The following RIMS4 variants were observed in gnomAD, a reference collection of about 807,000 sequenced individuals.
RIMS4 encodes the protein regulating synaptic membrane exocytosis 4, also known as regulating synaptic membrane exocytosis protein 4.
A neutral mutation model predicts 29.0 loss-of-function variants in RIMS4; 9 were observed. That is an observed-to-expected ratio of 0.31 (90% CI 0.19 to 0.54). The LOEUF is 0.54. RIMS4 is among the 20% of genes least tolerant of loss of function. The pLI is 0.94. For synonymous variants in RIMS4, 130 were observed against 152.9 expected (o/e 0.85, Z 1.10); for missense variants, 193 against 365.7 (o/e 0.53, Z 3.85).
chr20:44,808,319 CTT>C (rs2066308174), intron 1 of RIMS4, among the ~76,000 whole-genome samples: 1 of 152,194 alleles, frequency 6.6e-6, no homozygotes, highest in African/African-American at 2.4e-5. Context: ...TCTGTTCTGA[CTT>C]AAGTGAAACC....
intron 2 of RIMS4, 68 bp downstream of exon 2, chr20:44,771,207 C>T: frequency 6.5e-7 from 1 of 1,545,432 alleles, no homozygotes; most frequent in Non-Finnish European, 8.8e-7. Context: ...AGAGGGGTTG[C>T]TCAGTCCCTC....
In RIMS4 at chr20:44,755,817, T is replaced by C. The variant is rs185923373; in HGVS notation, c.*317A>G. The C allele has an allele frequency of 7.5e-4, 220 of 293,354 alleles. 1 individual carries two copies. The highest frequency in any genetic ancestry group is 6.8e-3 in the Admixed American group (149 of 22,056). 18.2% of individuals were successfully genotyped at this position (293,354 alleles called of 1,614,324 possible). ...CCGAGGAGGCAAAAAGGGGGAGAAG[T>C]TGGACAGTTTGGGAAGGGAGAGTGG... On this transcript the variant is annotated 3_prime_UTR_variant, in exon 6 of 6. Transcript: ENST00000372851.
intron 1 of RIMS4, 45 bp from the exon 2 acceptor site, chr20:44,771,458 T>A: frequency 6.3e-7 from 1 of 1,582,326 alleles, no homozygotes; most frequent in Non-Finnish European, 8.6e-7. Context: ...GAGACACAGG[T>A]GGGAGGGGGA....
At chr20:44,790,550 GT>G (rs1279500613) in intron 1 of RIMS4, among the ~76,000 whole-genome samples, 1 of 152,196 alleles carries the variant, frequency 6.6e-6, no homozygotes, top group Non-Finnish European at 1.5e-5. Flanking sequence ...CCGCGTCTAT[GT>G]TTACCCGCTG....
intron 2 of RIMS4, 94 bp downstream of exon 2, chr20:44,771,181 C>T (rs2066135683): frequency 7.0e-6 from 10 of 1,424,886 alleles, no homozygotes; most frequent in Non-Finnish European, 9.4e-6. Context: ...CAGCCTGGAG[C>T]TGCCCTAGGG....
At chr20:44,808,499 T>C (rs954877072) in intron 1 of RIMS4, among the ~76,000 whole-genome samples, 2 of 152,228 alleles carry the variant, frequency 1.3e-5, no homozygotes, top group East Asian at 3.8e-4. Flanking sequence ...CTCTACTGTG[T>C]TGGGGAGCCC....
intron 2 of RIMS4, among the ~76,000 whole-genome samples, chr20:44,765,888 C>T (rs1345657297): frequency 6.6e-6 from 1 of 152,188 alleles, no homozygotes; most frequent in African/African-American, 2.4e-5. Flanking sequence ...GATGCCAAGG[C>T]CCTGGATTCT....
At position 44,810,504 on chromosome 20, in the gene RIMS4, C is replaced by CGGCGGCGGCGGCGGT. The variant is rs1555866054; in HGVS notation, c.-234_-233insACCGCCGCCGCCGCC. 2.1e-5 allele frequency among the ~76,000 whole-genome samples: 3 copies of CGGCGGCGGCGGCGGT among 144,028 alleles called. No homozygotes were observed. The highest frequency in any genetic ancestry group is 2.1e-4 in the South Asian group (1 of 4,734). 94.5% of individuals were successfully genotyped at this position (144,028 alleles called of 152,430 possible). On this transcript the variant is annotated 5_prime_UTR_variant, in exon 1 of 6. Coordinates refer to ENST00000372851, the MANE Select transcript of RIMS4 (RefSeq NM_182970.4). ...CGCGCTGTGCTGCTGGCGGCGGCGGCGGCGGCGGCGGTGGCGGCGGCGGTG... is the reference window on the plus strand; with the variant it reads ...CGCGCTGTGCTGCTGGCGGCGGCGGCGGCGGCGGCGGCGGTGGCGGCGGCGGTGGCGGCGGCGGTG...
Position 44,755,803 on chromosome 20 carries a change from A to C in RIMS4, c.*331T>G. On this transcript the variant is annotated 3_prime_UTR_variant, in exon 6 of 6. Transcript: ENST00000372851. The stretch of plus-strand genomic sequence containing the variant: ...TGGGCAGCGAGCTTCCGAGGAGGCA[A>C]AAAGGGGGAGAAGTTGGACAGTTTG... 7.8e-6 allele frequency: 2 copies of C among 257,844 alleles called. No individual in the cohort carries two copies. Among genetic ancestry groups the C allele is most frequent in the Non-Finnish European group, 7.5e-6 (1 of 133,056 alleles). 16.0% of individuals were successfully genotyped at this position (257,844 alleles called of 1,614,324 possible). A position where few individuals can be genotyped will look rare whatever the true frequency, so the allele number is the denominator to read the frequency against.
At chr20:44,796,882 G>A (rs4812867) in intron 1 of RIMS4, among the ~76,000 whole-genome samples, 15,362 of 152,272 alleles carry the variant, frequency 0.1, 1,155 homozygotes, top group African/African-American at 0.2. Context: ...TGTTCATCCT[G>A]TGCCTTTCTA....
chr20:44,806,009 A>C (rs2066297120), intron 1 of RIMS4, among the ~76,000 whole-genome samples: 1 of 152,220 alleles, frequency 6.6e-6, no homozygotes, highest in African/African-American at 2.4e-5. Flanking sequence ...CCCCCAGCCC[A>C]ACAGATTTGG....
chr20:44,780,084 C>G (rs1345119286), intron 1 of RIMS4, among the ~76,000 whole-genome samples: 1 of 152,208 alleles, frequency 6.6e-6, no homozygotes, highest in Non-Finnish European at 1.5e-5. Context: ...TCAATAAATA[C>G]TGGCTATTAC....
At chr20:44,765,751 C>T (rs2039452779) in intron 2 of RIMS4, among the ~76,000 whole-genome samples, 1 of 152,128 alleles carries the variant, frequency 6.6e-6, no homozygotes, top group African/African-American at 2.4e-5. Flanking sequence ...GGGCTGTGGA[C>T]ACAGTGACCC....
At chr20:44,785,898 T>C (rs1008159350) in intron 1 of RIMS4, among the ~76,000 whole-genome samples, 1 of 151,976 alleles carries the variant, frequency 6.6e-6, no homozygotes, top group Non-Finnish European at 1.5e-5. Context: ...GGGGCCTTGA[T>C]TGATTGGTGT....
At chr20:44,788,901 T>G (rs1195268598) in intron 1 of RIMS4, among the ~76,000 whole-genome samples, 1 of 152,206 alleles carries the variant, frequency 6.6e-6, no homozygotes, top group African/African-American at 2.4e-5. Flanking sequence ...GGGCATGTAT[T>G]AAGCACTCAA....
chr20:44,803,059 T>TA (rs1367376685), intron 1 of RIMS4, among the ~76,000 whole-genome samples: 3 of 152,176 alleles, frequency 2.0e-5, no homozygotes, highest in Non-Finnish European at 4.4e-5. Context: ...CCATCATCGT[T>TA]CCATTTTCAT....
chr20:44,757,060 G>A (rs754970432), intron 4 of RIMS4, 23 bp from the exon 5 acceptor site: 39 of 1,609,618 alleles, frequency 2.4e-5, no homozygotes, highest in Admixed American at 3.3e-5. Flanking sequence ...GCCAGCAGGG[G>A]TGAGTTCTAG....
chr20:44,767,034 C>G (rs1039473648), intron 2 of RIMS4, among the ~76,000 whole-genome samples: 1 of 152,232 alleles, frequency 6.6e-6, no homozygotes, highest in Non-Finnish European at 1.5e-5. Flanking sequence ...AGTTCCCCAT[C>G]AGGATTGGCT....
Position 44,771,284 on chromosome 20 carries a change from G to A in RIMS4, c.227C>T (p.Ser76Leu). The A allele has an allele frequency of 6.2e-7, 1 of 1,608,890 alleles. No homozygotes were observed. The change falls in exon 2 of 6, where the codon TCA becomes TTA. Residue 76 changes from serine to leucine, a missense_variant. Physicochemically the swap from Ser to Leu is moderately radical, Grantham distance 145. Coordinates refer to ENST00000372851, the MANE Select transcript of RIMS4 (RefSeq NM_182970.4). ...GTGGCCCCACACTTACTTGCCCTCTGAGCCATAGCTGTTCATGCTGTCCTC... is the reference window on the plus strand; with the variant it reads ...GTGGCCCCACACTTACTTGCCCTCTAAGCCATAGCTGTTCATGCTGTCCTC... ...SIEDSMNSYG[S>L]EGNLNYGGVC...
Sources: allele counts gnomAD v4.1 joint callset (sites outside exome capture counted in the v4.1 genomes callset), GRCh38; gene constraint gnomAD v4.1.1; transcripts MANE v1.5; gene names NCBI Gene and HGNC (gene_info 2026-07-23, HGNC 2026-07-21).